DLG2: variants seen among roughly 807,000 people sequenced by gnomAD.
The protein encoded by DLG2 is disks large homolog 2.
Under a neutral mutation model 132.5 loss-of-function variants are expected in DLG2, and 45 were observed. The ratio of observed to expected loss-of-function variants is 0.34; its 90% CI spans 0.27 to 0.44. The LOEUF is 0.44. Among genes scored for constraint, DLG2 ranks in the 20% least tolerant of loss-of-function variants. The pLI, the probability that DLG2 is intolerant of heterozygous loss-of-function variation, is 1.00. For missense variants in DLG2, 1,045 were observed against 1,196.9 expected, an observed-to-expected ratio of 0.87 and a Z score of 1.87; for synonymous variants, 424 against 419.6, an observed-to-expected ratio of 1.01 and a Z score of -0.13.
At chr11:84,142,446 C>T (rs1296675532) in intron 9 of DLG2, among the ~76,000 whole-genome samples, 1 of 151,942 alleles carries the variant, frequency 6.6e-6, no homozygotes, top group Admixed American at 6.6e-5. Flanking sequence ...GAACACATCA[C>T]GATGAAGTCT....
intron 7 of DLG2, among the ~76,000 whole-genome samples, chr11:84,472,445 G>A (rs2099110932): frequency 6.6e-6 from 1 of 151,910 alleles, no homozygotes; most frequent in South Asian, 2.1e-4. Context: ...ATTTGCCTCT[G>A]CTAAATGTTT....
At chr11:84,900,241 A>G (rs1306044448) in intron 6 of DLG2, among the ~76,000 whole-genome samples, 2 of 152,096 alleles carry the variant, frequency 1.3e-5, no homozygotes, top group Non-Finnish European at 2.9e-5. Context: ...CATTTTACTT[A>G]TCAAGAACAT....
chr11:84,373,261 A>C (rs868727972), intron 7 of DLG2, among the ~76,000 whole-genome samples: 8 of 58,224 alleles, frequency 1.4e-4, no homozygotes, highest in South Asian at 5.2e-4. Context: ...AAAAAAAAAA[A>C]AAACAAAACA....
At chr11:85,395,702 G>A (rs1218644715) in intron 3 of DLG2, among the ~76,000 whole-genome samples, 1 of 140,358 alleles carries the variant, frequency 7.1e-6, no homozygotes, top group African/African-American at 2.6e-5. Context: ...TTGACAGGGG[G>A]AGGGGCGTCT....
At chr11:85,192,627 A>T (rs1299614399) in intron 4 of DLG2, among the ~76,000 whole-genome samples, 1 of 152,218 alleles carries the variant, frequency 6.6e-6, no homozygotes, top group African/African-American at 2.4e-5. Flanking sequence ...ATCTTATTTT[A>T]TCTGGAATAA....
At chr11:84,625,438 T>A (rs2099621035) in intron 6 of DLG2, among the ~76,000 whole-genome samples, 1 of 152,178 alleles carries the variant, frequency 6.6e-6, no homozygotes. Context: ...ATTATGTTAT[T>A]TCTCTACTCA....
chr11:84,720,055 C>G (rs552423909), intron 6 of DLG2, among the ~76,000 whole-genome samples: 1 of 152,082 alleles, frequency 6.6e-6, no homozygotes, highest in Non-Finnish European at 1.5e-5. Context: ...TGCATCTGCT[C>G]TTGTAGCCTC....
chr11:83,623,225 G>A (rs1371731297), intron 19 of DLG2, among the ~76,000 whole-genome samples: 2 of 151,818 alleles, frequency 1.3e-5, no homozygotes, highest in East Asian at 3.8e-4. Flanking sequence ...TTTGATATAA[G>A]AATAGTGACT....
At chr11:83,712,100 G>C (rs374285881) in intron 18 of DLG2, among the ~76,000 whole-genome samples, 17 of 152,264 alleles carry the variant, frequency 1.1e-4, no homozygotes, top group African/African-American at 4.1e-4. Flanking sequence ...AGACAGTGTA[G>C]TGATTCCTCA....
chr11:85,156,968 T>C (rs990686341), intron 4 of DLG2, among the ~76,000 whole-genome samples: 1 of 152,214 alleles, frequency 6.6e-6, no homozygotes, highest in Non-Finnish European at 1.5e-5. Flanking sequence ...TGTGAGGTTG[T>C]TGCCAAAAAG....
intron 15 of DLG2, among the ~76,000 whole-genome samples, chr11:83,916,855 A>G (rs924609976): frequency 3.9e-5 from 6 of 152,090 alleles, no homozygotes; most frequent in Admixed American, 3.9e-4. Flanking sequence ...GGTGAATGAG[A>G]AAAAGCACTA....
At chr11:84,823,581 C>CA (rs2077959600) in intron 6 of DLG2, among the ~76,000 whole-genome samples, 1 of 134,496 alleles carries the variant, frequency 7.4e-6, no homozygotes, top group Non-Finnish European at 1.6e-5. Context: ...GGTTGTATAT[C>CA]CACACACACA....
At chr11:83,524,666 A>T (rs1409021370) in intron 21 of DLG2, among the ~76,000 whole-genome samples, 1 of 152,180 alleles carries the variant, frequency 6.6e-6, no homozygotes, top group Non-Finnish European at 1.5e-5. Flanking sequence ...GACCTTCATG[A>T]CCTGGTTTCC....
chr11:83,780,295 T>C (rs1341559504), intron 18 of DLG2, among the ~76,000 whole-genome samples: 1 of 152,220 alleles, frequency 6.6e-6, no homozygotes, highest in Admixed American at 6.5e-5. Context: ...TCATTATATC[T>C]TTGACCCCAT....
At chr11:83,651,888 T>C (rs2070607740) in intron 18 of DLG2, 3 of 471,046 alleles carry the variant, frequency 6.4e-6, no homozygotes, top group Non-Finnish European at 1.3e-5. Flanking sequence ...ACATGTCTTC[T>C]GGCTAGAAGA....
intron 7 of DLG2, among the ~76,000 whole-genome samples, chr11:84,529,456 C>G (rs1174811364): frequency 2.6e-5 from 4 of 152,132 alleles, no homozygotes; most frequent in Admixed American, 6.5e-5. Flanking sequence ...TTTCAGGATA[C>G]AAAACCAGTG....
chr11:84,817,556 G>A (rs1404761755), intron 6 of DLG2, among the ~76,000 whole-genome samples: 1 of 151,968 alleles, frequency 6.6e-6, no homozygotes, highest in Non-Finnish European at 1.5e-5. Flanking sequence ...ATTCTAGCCA[G>A]TAGATTCTGA....
At chr11:84,382,310 T>C (rs1233219988) in intron 7 of DLG2, among the ~76,000 whole-genome samples, 1 of 152,154 alleles carries the variant, frequency 6.6e-6, no homozygotes, top group East Asian at 1.9e-4. Context: ...GTACCTTCTT[T>C]GTACAGATGA....
At chr11:83,735,436 T>C (rs1222885611) in intron 18 of DLG2, among the ~76,000 whole-genome samples, 1 of 152,154 alleles carries the variant, frequency 6.6e-6, no homozygotes, top group Non-Finnish European at 1.5e-5. Flanking sequence ...GAATCCTCAG[T>C]GTTTTCTTTA....
Sources: gnomAD v4.1 joint callset for allele counts (sites outside exome capture counted in the v4.1 genomes callset) on GRCh38, gnomAD v4.1.1 for gene constraint, MANE v1.5 for transcripts, NCBI Gene and HGNC (gene_info 2026-07-23, HGNC 2026-07-21) for gene names.